The following ROM1 variants were observed in gnomAD, a reference collection of about 807,000 sequenced individuals.
ROM1 encodes retinal outer segment membrane protein 1.
In ROM1, 17 loss-of-function variants were observed where a neutral mutation model predicts 23.0. The observed-to-expected ratio is 0.74, with a 90% confidence interval of 0.51 to 1.11. The LOEUF (loss-of-function observed/expected upper bound fraction) is 1.11, where lower values mean the gene tolerates loss of function less well. Among genes scored for constraint, ROM1 ranks in the 50% least tolerant of loss-of-function variants. The pLI is 0.00. For missense variants in ROM1, 436 were observed against 439.7 expected (o/e 0.99, Z 0.08); for synonymous variants, 200 against 206.5 (o/e 0.97, Z 0.27).
At position 62,613,538 on chromosome 11, in the gene ROM1, C is replaced by A. The variant is rs546648976; in HGVS notation, c.257C>A (p.Ala86Glu). Residue 86 changes from alanine to glutamate, a missense_variant, in exon 1 of 3, where the codon GCA becomes GAA. By Grantham distance (107) the Ala-to-Glu change is moderately radical. Transcript: ENST00000278833. Reference protein sequence around the residue: ...TGLVGVGASRASLNAALYPPW... With the variant: ...TGLVGVGASRESLNAALYPPW... ...CTAGTGGGTGTAGGAGCCAGCCGGG[C>A]AAGTCTGAATGCAGCTCTATACCCT... 1.2e-6 allele frequency: 2 copies of A among 1,613,856 alleles called. No homozygotes were observed. Among genetic ancestry groups the A allele is most frequent in the Admixed American group, 3.3e-5 (2 of 60,008 alleles).
rs1269051604 is a variant in ROM1, at chr11:62,614,459, G to C, written c.792G>C (p.Leu264Phe). 6.2e-7 allele frequency: 1 copy of C among 1,614,154 alleles called. No homozygotes were observed. Among genetic ancestry groups the C allele is most frequent in the East Asian group, 2.2e-5 (1 of 44,884 alleles). Reference protein sequence around the residue: ...HEVLLEHLQDLAGTLGSMLAV... With the variant: ...HEVLLEHLQDFAGTLGSMLAV... ...TGCTGCTGGAGCACTTGCAGGACTT[G>C]GCAGGCACACTGGGTAGCATGCTGG... is the stretch of plus-strand genomic sequence containing the variant. The change falls in exon 2 of 3, where the codon TTG becomes TTC. Residue 264 changes from leucine to phenylalanine, a missense_variant. By Grantham distance (22) the Leu-to-Phe change is conservative (BLOSUM62 0). Coordinates refer to ENST00000278833, the MANE Select transcript of ROM1 (RefSeq NM_000327.4).
At position 62,615,070 on chromosome 11, in the gene ROM1, C is replaced by T; in HGVS notation, c.*231C>T. 1 of 574,760 alleles carries T rather than the reference C, an allele frequency of 1.7e-6. No homozygotes were observed. The highest frequency in any genetic ancestry group is 2.9e-5 in the East Asian group (1 of 34,350). 35.6% of individuals were successfully genotyped at this position (574,760 alleles called of 1,614,324 possible). On this transcript the variant is annotated 3_prime_UTR_variant, in exon 3 of 3. Transcript: ENST00000278833. ...GTGATGGGAAAGTGACATGAGAAGGCCTGGAGGCTGATTCTGATATAGACT... is the reference window on the plus strand; with the variant it reads ...GTGATGGGAAAGTGACATGAGAAGGTCTGGAGGCTGATTCTGATATAGACT...
Position 62,613,666 on chromosome 11 carries a change from C to CT in ROM1, c.386dup (p.Asp130GlyfsTer2), listed in dbSNP as rs1482751773. ...GCTAGCCCTGGCTTTGCCTGGGAGTCTGGATGAGGCGCTGGAGGAGGGCCT... is the reference window on the plus strand; with the variant it reads ...GCTAGCCCTGGCTTTGCCTGGGAGTCTTGGATGAGGCGCTGGAGGAGGGCCT... On this transcript the variant is annotated frameshift_variant, in exon 1 of 3. Transcript: ENST00000278833. LOFTEE classifies it high-confidence loss of function. 2 of 1,613,856 alleles carry CT rather than the reference C, an allele frequency of 1.2e-6. No individual in the cohort carries two copies. Among genetic ancestry groups the CT allele is most frequent in the Non-Finnish European group, 1.7e-6 (2 of 1,179,944 alleles).
chr11:62,615,093 ACT>A lies in ROM1; in HGVS notation c.*256_*257del. On this transcript the variant is annotated 3_prime_UTR_variant, in exon 3 of 3. Coordinates refer to ENST00000278833, the MANE Select transcript of ROM1 (RefSeq NM_000327.4). Reference sequence around the variant, plus strand: ...GGCCTGGAGGCTGATTCTGATATAGACTCAATAAAGTTTTTGGATGGAAGCAA... The same window carrying A: ...GGCCTGGAGGCTGATTCTGATATAGACAATAAAGTTTTTGGATGGAAGCAA... 1 of 534,922 alleles carries A rather than the reference ACT, an allele frequency of 1.9e-6. No individual in the cohort carries two copies. The highest frequency in any genetic ancestry group is 3.4e-6 in the Non-Finnish European group (1 of 298,290). 33.1% of individuals were successfully genotyped at this position (534,922 alleles called of 1,614,324 possible).
Position 62,613,419 on chromosome 11 carries a change from A to G in ROM1, c.138A>G (p.Leu46=). The G allele has an allele frequency of 6.2e-7, 1 of 1,613,398 alleles. No individual in the cohort carries two copies. The stretch of plus-strand genomic sequence containing the variant: ...GTAGTGGGCACCTCCTGGTCCAGCT[A>G]AGGCACCTTGGCACCTTCCTGGCTC... The part of the protein sequence containing the change: ...LLCSGHLLVQ[L]RHLGTFLAPS... The change falls in exon 1 of 3, where the codon CTA becomes CTG. Residue 46 remains leucine, a synonymous_variant. Coordinates refer to ENST00000278833, the MANE Select transcript of ROM1 (RefSeq NM_000327.4).
In ROM1 at chr11:62,614,390, C is replaced by A. The variant is rs2134423568; in HGVS notation, c.723C>A (p.Pro241=). ...CCTACGCCCACCCCCTGTTCGATCCCCGACAACCCAACCAAAACCTCTGGG... is the reference window on the plus strand; with the variant it reads ...CCTACGCCCACCCCCTGTTCGATCCACGACAACCCAACCAAAACCTCTGGG... ...SDSYAHPLFD[P]RQPNQNLWAQ... is the part of the protein sequence containing the mutation. Residue 241 remains proline, a synonymous_variant, in exon 2 of 3, where the codon CCC becomes CCA. Transcript: ENST00000278833. 7 of 1,614,192 alleles carry A rather than the reference C, an allele frequency of 4.3e-6. No homozygotes were observed. The highest frequency in any genetic ancestry group is 5.9e-6 in the Non-Finnish European group (7 of 1,180,034).
In ROM1 at chr11:62,614,392, G is replaced by A. The variant is rs767877192; in HGVS notation, c.725G>A (p.Arg242Gln). Residue 242 changes from arginine to glutamine, a missense_variant, in exon 2 of 3, where the codon CGA (arginine) becomes CAA (glutamine). Transcript: ENST00000278833. ...TACGCCCACCCCCTGTTCGATCCCC[G>A]ACAACCCAACCAAAACCTCTGGGCC... Reference protein sequence around the residue: ...DSYAHPLFDPRQPNQNLWAQG... With the variant: ...DSYAHPLFDPQQPNQNLWAQG... The A allele has an allele frequency of 1.5e-5, 24 of 1,613,860 alleles. No homozygotes were observed. The highest frequency in any genetic ancestry group is 1.6e-4 in the Middle Eastern group (1 of 6,084).
At position 62,613,270 on chromosome 11, in the gene ROM1, C is replaced by T. The variant is rs756513504; in HGVS notation, c.-12C>T. ...CCTGACACCTCTGCATTCCCTTGGG[C>T]AGAGATGGGAGATGGCGCCGGTGTT... On this transcript the variant is annotated 5_prime_UTR_variant, in exon 1 of 3. Transcript: ENST00000278833. The T allele has an allele frequency of 1.9e-6, 3 of 1,587,514 alleles. No individual in the cohort carries two copies. The South Asian group carries it at 3.4e-5, about 18-fold the overall frequency.
At position 62,613,601 on chromosome 11, in the gene ROM1, G is replaced by A. The variant is rs1328860135; in HGVS notation, c.320G>A (p.Gly107Asp). Residue 107 changes from glycine to aspartate, a missense_variant, in exon 1 of 3, where the codon GGC becomes GAC. Physicochemically the swap from Gly to Asp is moderately conservative, Grantham distance 94 (BLOSUM62 -1). Coordinates refer to ENST00000278833, the MANE Select transcript of ROM1 (RefSeq NM_000327.4). ...RGVLGPLLVA[G>D]TAGGGGLLVV... ...GTCCTGGGCCCGCTGCTGGTGGCTG[G>A]CACGGCTGGTGGGGGGGGGCTCCTG... is the stretch of plus-strand genomic sequence containing the variant. 6.2e-7 allele frequency: 1 copy of A among 1,612,488 alleles called. No individual in the cohort carries two copies. The highest frequency in any genetic ancestry group is 8.5e-7 in the Non-Finnish European group (1 of 1,179,430).
intron 1 of ROM1, 32 bp downstream of exon 1, chr11:62,613,903 C>A (rs1942963699): frequency 6.2e-7 from 1 of 1,613,186 alleles, no homozygotes; most frequent in Admixed American, 1.7e-5. Context: ...TCCTCCTCCT[C>A]CTCCTCCCTG....
rs756061237 is a variant in ROM1 at position 62,613,812 on chromosome 11, G to T, written c.531G>T (p.Trp177Cys). The stretch of plus-strand genomic sequence containing the variant: ...GCGGGCGCCACGGGTACAAGGATTG[G>T]TTTGGGGTCCAGTGGGTCAGCAGCC... Reference protein sequence around the residue: ...HCCGRHGYKDWFGVQWVSSRY... With the variant: ...HCCGRHGYKDCFGVQWVSSRY... The change falls in exon 1 of 3, where the codon TGG (tryptophan) becomes TGT (cysteine). Residue 177 changes from tryptophan (W) to cysteine (C), a missense_variant. By Grantham distance (215) the Trp-to-Cys change is radical (BLOSUM62 -2). Coordinates refer to ENST00000278833, the MANE Select transcript of ROM1 (RefSeq NM_000327.4). The T allele has an allele frequency of 5.0e-6, 8 of 1,614,160 alleles. No individual in the cohort carries two copies. In the Admixed American group the frequency reaches 1.3e-4, roughly 27 times the overall value.
At position 62,614,858 on chromosome 11, in the gene ROM1, G is replaced by T; in HGVS notation, c.*19G>T. 1.3e-6 allele frequency: 2 copies of T among 1,587,874 alleles called. No individual in the cohort carries two copies. Among genetic ancestry groups the T allele is most frequent in the Non-Finnish European group, 1.7e-6 (2 of 1,157,360 alleles). ...GGCCTAGAGGCCTGGAGCTTGGGGT[G>T]AGGAAGAGGGAGGGATGGACAAGTC... On this transcript the variant is annotated 3_prime_UTR_variant, in exon 3 of 3. Transcript: ENST00000278833.
In ROM1 at chr11:62,614,993, C is replaced by T. The variant is rs570679350; in HGVS notation, c.*154C>T. 4 of 649,734 alleles carry T rather than the reference C, an allele frequency of 6.2e-6. No individual in the cohort carries two copies. In the East Asian group the frequency reaches 1.1e-4, roughly 18 times the overall value. 40.2% of individuals were successfully genotyped at this position (649,734 alleles called of 1,614,324 possible). A position where few individuals can be genotyped will look rare whatever the true frequency, so the allele number is the denominator to read the frequency against. ...TGGGGTAAGAAAGAAAACCAGATGT[C>T]CTAGGGCCTAGCCCTTGTAGTCAGA... is the stretch of plus-strand genomic sequence containing the variant. On this transcript the variant is annotated 3_prime_UTR_variant, in exon 3 of 3. Coordinates refer to ENST00000278833, the MANE Select transcript of ROM1 (RefSeq NM_000327.4).
chr11:62,614,187 C>T (rs906298839), intron 1 of ROM1, 71 bp from the exon 2 acceptor site: 3 of 1,563,278 alleles, frequency 1.9e-6, no homozygotes, highest in Non-Finnish European at 2.6e-6. Context: ...TTCTGAACAC[C>T]TGTGCCCTTC....
At position 62,614,487 on chromosome 11, in the gene ROM1, G is replaced by A; in HGVS notation, c.820G>A (p.Val274Ile). Reference sequence around the variant, plus strand: ...AGGCACACTGGGTAGCATGCTGGCTGTCACCTTCCTACTGCAGGTGAGTCA... The same window carrying A: ...AGGCACACTGGGTAGCATGCTGGCTATCACCTTCCTACTGCAGGTGAGTCA... Reference protein sequence around the residue: ...LAGTLGSMLAVTFLLQALVLL... With the variant: ...LAGTLGSMLAITFLLQALVLL... The change falls in exon 2 of 3, where the codon GTC (valine) becomes ATC (isoleucine). Residue 274 changes from valine to isoleucine, a missense_variant. Val to Ile is a conservative substitution (Grantham distance 29). Transcript: ENST00000278833. 6.2e-7 allele frequency: 1 copy of A among 1,614,180 alleles called. No homozygotes were observed. The highest frequency in any genetic ancestry group is 1.1e-5 in the South Asian group (1 of 91,088).
Position 62,614,719 on chromosome 11 carries a change from C to T in ROM1, c.936C>T (p.Pro312=), listed in dbSNP as rs776695868. The T allele has an allele frequency of 7.4e-6, 12 of 1,614,202 alleles. 1 individual carries two copies. In the South Asian group the frequency reaches 1.3e-4, roughly 18 times the overall value. ...AGGETQGYLF[P]SGLKDMLKTA... ...GAGAGACCCAGGGCTATCTCTTTCC[C>T]AGTGGGCTGAAAGATATGCTGAAAA... is the stretch of plus-strand genomic sequence containing the variant. Residue 312 remains proline, a synonymous_variant, in exon 3 of 3, where the codon CCC becomes CCT. Coordinates refer to ENST00000278833, the MANE Select transcript of ROM1 (RefSeq NM_000327.4).
In ROM1 at chr11:62,613,823, A is replaced by C; in HGVS notation, c.542A>C (p.Gln181Pro). The C allele has an allele frequency of 6.2e-7, 1 of 1,614,064 alleles. No homozygotes were observed. Among genetic ancestry groups the C allele is most frequent in the Non-Finnish European group, 8.5e-7 (1 of 1,179,962 alleles). Residue 181 changes from glutamine (Q) to proline (P), a missense_variant, in exon 1 of 3, where the codon CAG becomes CCG. Transcript: ENST00000278833. ...GGGTACAAGGATTGGTTTGGGGTCC[A>C]GTGGGTCAGCAGCCGTTACCTGGAT... ...RHGYKDWFGV[Q>P]WVSSRYLDPG...
In ROM1 at chr11:62,614,499, C is replaced by T. The variant is rs1387532879; in HGVS notation, c.832C>T (p.Leu278=). Residue 278 remains leucine (L), a synonymous_variant, in exon 2 of 3, where the codon CTG becomes TTG. Coordinates refer to ENST00000278833, the MANE Select transcript of ROM1 (RefSeq NM_000327.4). ...LGSMLAVTFL[L]QALVLLGLRY... ...TAGCATGCTGGCTGTCACCTTCCTACTGCAGGTGAGTCAGCAAAGCATCTG... is the reference window on the plus strand; with the variant it reads ...TAGCATGCTGGCTGTCACCTTCCTATTGCAGGTGAGTCAGCAAAGCATCTG... 3.7e-6 allele frequency: 6 copies of T among 1,614,160 alleles called. No individual in the cohort carries two copies. The highest frequency in any genetic ancestry group is 5.1e-6 in the Non-Finnish European group (6 of 1,180,032).
rs1942991679 is a variant in ROM1, at chr11:62,614,841, G to A, written c.*2G>A. 6.2e-7 allele frequency: 1 copy of A among 1,612,660 alleles called. No homozygotes were observed. Reference sequence around the variant, plus strand: ...AAGGAGGATCTATCTGAGGCCTAGAGGCCTGGAGCTTGGGGTGAGGAAGAG... The same window carrying A: ...AAGGAGGATCTATCTGAGGCCTAGAAGCCTGGAGCTTGGGGTGAGGAAGAG... On this transcript the variant is annotated 3_prime_UTR_variant, in exon 3 of 3. Transcript: ENST00000278833.
Sources: gnomAD v4.1 joint callset for allele counts on GRCh38, gnomAD v4.1.1 for gene constraint, MANE v1.5 for transcripts, NCBI Gene and HGNC (gene_info 2026-07-23, HGNC 2026-07-21) for gene names.